GPHN: variants seen among roughly 807,000 people sequenced by gnomAD.
The protein encoded by GPHN is gephyrin.
GPHN carries 17 observed loss-of-function variants against 95.5 expected under a neutral mutation model. The ratio of observed to expected loss-of-function variants is 0.18; its 90% CI spans 0.12 to 0.27. The LOEUF (loss-of-function observed/expected upper bound fraction) is 0.27, where lower values mean the gene tolerates loss of function less well. Among genes scored for constraint, GPHN ranks in the 10% least tolerant of loss-of-function variants. The pLI, the probability that GPHN is intolerant of heterozygous loss-of-function variation, is 1.00. For synonymous variants in GPHN, 320 were observed against 322.5 expected (o/e 0.99, Z 0.08); for missense variants, 660 against 978.1 (o/e 0.67, Z 4.34).
chr14:66,810,960 A>C (rs1241721215), intron 3 of GPHN, among the ~76,000 whole-genome samples: 1 of 152,248 alleles, frequency 6.6e-6, no homozygotes, highest in Non-Finnish European at 1.5e-5. Flanking sequence ...AAAGGTAAAC[A>C]GTTTGTCAAT....
At chr14:66,728,062 CAG>C (rs1415500881) in intron 2 of GPHN, among the ~76,000 whole-genome samples, 1 of 152,224 alleles carries the variant, frequency 6.6e-6, no homozygotes, top group Non-Finnish European at 1.5e-5. Flanking sequence ...CCATGGCTAA[CAG>C]GGGCCAAGGT....
chr14:66,573,848 TG>T (rs1200902112), intron 1 of GPHN, among the ~76,000 whole-genome samples: 1 of 152,174 alleles, frequency 6.6e-6, no homozygotes, highest in Non-Finnish European at 1.5e-5. Context: ...TCCATTTCCC[TG>T]GGGTACCTTT....
chr14:67,203,406 C>G, the GPHN span: 2 of 814,078 alleles, frequency 2.5e-6, no homozygotes, highest in Non-Finnish European at 3.7e-6. Context: ...GTTACTCGCA[C>G]TCCCTGCTGC....
At chr14:67,313,481 G>A in the GPHN span, among the ~76,000 whole-genome samples, 3 of 152,134 alleles carry the variant, frequency 2.0e-5, no homozygotes, top group Non-Finnish European at 4.4e-5. Flanking sequence ...GTTATGCAGT[G>A]CATGACTGTA....
At chr14:66,512,352 G>C (rs1391520234) in intron 1 of GPHN, among the ~76,000 whole-genome samples, 3 of 151,772 alleles carry the variant, frequency 2.0e-5, no homozygotes, top group African/African-American at 7.2e-5. Context: ...GGAAAATAAT[G>C]ACTACATGTA....
At chr14:66,998,542 T>G (rs564222492) in intron 9 of GPHN, among the ~76,000 whole-genome samples, 1 of 152,294 alleles carries the variant, frequency 6.6e-6, no homozygotes, top group East Asian at 1.9e-4. Flanking sequence ...TGGAAACCTC[T>G]TGACAGGATC....
intron 17 of GPHN, among the ~76,000 whole-genome samples, chr14:67,138,477 C>T (rs1413206776): frequency 1.3e-5 from 2 of 152,052 alleles, no homozygotes; most frequent in African/African-American, 4.8e-5. Flanking sequence ...GATTATAACC[C>T]TTGTTACCTA....
chr14:67,717,252 T>C, the GPHN span, among the ~76,000 whole-genome samples: 524 of 152,346 alleles, frequency 3.4e-3, 3 homozygotes, highest in African/African-American at 0.012. Flanking sequence ...TGTTGAGAGA[T>C]AGAACATTTC....
chr14:67,168,941 G>T lies in GPHN; in HGVS notation c.1984G>T (p.Val662Leu). Residue 662 changes from valine (V) to leucine (L), a missense_variant, in exon 21 of 23, where the codon GTA becomes TTA. This residue lies in a region of GPHN where 257 missense variants were observed against 376.2 expected (regional missense o/e 0.68). Transcript: ENST00000478722. ...KIIFALPGNP[V>L]SAVVTCNLFV... ...GCTTGGTTGACTTTCAGGGAATCCT[G>T]TATCGGCTGTGGTCACCTGCAATCT... 4 of 1,606,560 alleles carry T rather than the reference G, an allele frequency of 2.5e-6. No individual in the cohort carries two copies. In the South Asian group the frequency reaches 4.4e-5, roughly 18 times the overall value.
At chr14:67,529,744 G>A in the GPHN span, among the ~76,000 whole-genome samples, 137 of 152,206 alleles carry the variant, frequency 9.0e-4, no homozygotes, top group African/African-American at 3.1e-3. Flanking sequence ...GACAATCACC[G>A]AAGAGCCAAA....
At chr14:67,342,800 T>G in the GPHN span, among the ~76,000 whole-genome samples, 1 of 152,012 alleles carries the variant, frequency 6.6e-6, no homozygotes, top group South Asian at 2.1e-4. Flanking sequence ...AGCAAAGGAA[T>G]TTCTTTACTT....
At chr14:66,547,969 A>G (rs921587422) in intron 1 of GPHN, among the ~76,000 whole-genome samples, 3 of 152,136 alleles carry the variant, frequency 2.0e-5, no homozygotes, top group Non-Finnish European at 4.4e-5. Context: ...GTTTTAGTTC[A>G]CCTCATGGAT....
chr14:66,925,714 A>C (rs1377904165), intron 8 of GPHN, among the ~76,000 whole-genome samples: 1 of 152,100 alleles, frequency 6.6e-6, no homozygotes, highest in Non-Finnish European at 1.5e-5. Flanking sequence ...ATACACATGG[A>C]AGTGCAGATA....
the GPHN span, among the ~76,000 whole-genome samples, chr14:67,378,141 C>T: frequency 6.7e-6 from 1 of 149,944 alleles, no homozygotes; most frequent in Non-Finnish European, 1.5e-5. Flanking sequence ...AAAAAAAAAG[C>T]CAGACTCTTT....
intron 1 of GPHN, among the ~76,000 whole-genome samples, chr14:66,587,747 A>G (rs939667275): frequency 6.6e-6 from 1 of 152,240 alleles, no homozygotes; most frequent in Non-Finnish European, 1.5e-5. Context: ...CCCAGTGCTT[A>G]TAGATAAAAC....
chr14:66,872,455 T>C (rs957092965), intron 4 of GPHN, among the ~76,000 whole-genome samples: 3 of 152,216 alleles, frequency 2.0e-5, no homozygotes, highest in African/African-American at 7.2e-5. Flanking sequence ...AAATGTATCT[T>C]GACCATTATA....
chr14:66,783,917 TA>T (rs1336145951), intron 3 of GPHN, among the ~76,000 whole-genome samples: 1 of 152,028 alleles, frequency 6.6e-6, no homozygotes, highest in African/African-American at 2.4e-5. Flanking sequence ...GGACATCTGC[TA>T]AAAAAGATTA....
the GPHN span, among the ~76,000 whole-genome samples, chr14:67,377,470 A>G: frequency 6.6e-6 from 1 of 152,212 alleles, no homozygotes; most frequent in East Asian, 1.9e-4. Context: ...TGGTATGCTC[A>G]CTACCTATTT....
chr14:66,847,122 A>G (rs1289858416), intron 4 of GPHN, among the ~76,000 whole-genome samples: 3 of 152,106 alleles, frequency 2.0e-5, no homozygotes, highest in Non-Finnish European at 2.9e-5. Flanking sequence ...GATAAACTTT[A>G]CTAACACATT....
Sources: allele counts gnomAD v4.1 joint callset (sites outside exome capture counted in the v4.1 genomes callset), GRCh38; gene constraint gnomAD v4.1.1; regional missense constraint gnomAD v4.1.1; transcripts MANE v1.5; gene names NCBI Gene and HGNC (gene_info 2026-07-23, HGNC 2026-07-21).